Variants in VSIG10L2 observed in about 807,000 individuals in gnomAD.
VSIG10L2 encodes the protein V-set and immunoglobulin domain containing 10 like 2.
Under a neutral mutation model 67.1 loss-of-function variants are expected in VSIG10L2, and 56 were observed. That is an observed-to-expected ratio of 0.83 (90% CI 0.67 to 1.04). The LOEUF is 1.04. Among genes scored for constraint, VSIG10L2 ranks in the 50% least tolerant of loss-of-function variants. The pLI is 0.00. For missense variants in VSIG10L2, 843 were observed against 932.8 expected (o/e 0.90, Z 1.25); for synonymous variants, 360 against 396.6 (o/e 0.91, Z 1.10).
chr11:125,949,202 T>C (rs922454563), intron 3 of VSIG10L2, among the ~76,000 whole-genome samples: 3 of 152,234 alleles, frequency 2.0e-5, no homozygotes, highest in Non-Finnish European at 2.9e-5. Flanking sequence ...CTGGATATAT[T>C]TGGTTAAATA....
At chr11:125,949,339 A>C (rs1421934100) in intron 3 of VSIG10L2, among the ~76,000 whole-genome samples, 1 of 152,138 alleles carries the variant, frequency 6.6e-6, no homozygotes, top group African/African-American at 2.4e-5. Context: ...TGTGTCTGGC[A>C]TCCGCCTATT....
intron 2 of VSIG10L2, 33 bp downstream of exon 2, chr11:125,948,069 C>A (rs924647897): frequency 4.3e-5 from 53 of 1,232,346 alleles, no homozygotes; most frequent in South Asian, 2.9e-4. Flanking sequence ...AGCTGGTCCG[C>A]GGGCTGCTTT....
chr11:125,955,278 T>A lies in VSIG10L2; in HGVS notation c.2206+99T>A, dbSNP rs1945445518. ...ATGCAGCACTCCCGGGGGAGAAGAA[T>A]CTAGGCTCTTCCTTAATTCAGACCC... On this transcript the variant is annotated intron_variant, in intron 9 of 11. Coordinates refer to ENST00000686984, the MANE Select transcript of VSIG10L2 (RefSeq NM_001365077.2). 14 of 1,304,212 alleles carry A rather than the reference T, an allele frequency of 1.1e-5. No homozygotes were observed. The Middle Eastern group carries it at 8.5e-4, about 79-fold the overall frequency. 80.8% of individuals were successfully genotyped at this position (1,304,212 alleles called of 1,614,324 possible).
Position 125,955,113 on chromosome 11 carries a change from G to A in VSIG10L2, c.2140G>A (p.Val714Met). ...GTTGGGTGCAGCAGGCACGGGAATG[G>A]TGGTAGCAACGGTGGCCTCTCTACT... ...AVLGAAGTGMVVATVASLLVF... is the reference protein window; with the variant it reads ...AVLGAAGTGMMVATVASLLVF... The change falls in exon 9 of 12, where the codon GTG becomes ATG. Residue 714 changes from valine (V) to methionine (M), a missense_variant. Val to Met is a conservative substitution (Grantham distance 21, BLOSUM62 1). Around this residue, in one of 2 missense-constraint regions of VSIG10L2, gnomAD observed 397 missense variants for 384.4 expected, o/e 1.03. Transcript: ENST00000686984. 1 of 1,239,784 alleles carries A rather than the reference G, an allele frequency of 8.1e-7. No homozygotes were observed. Among genetic ancestry groups the A allele is most frequent in the Non-Finnish European group, 1.0e-6 (1 of 992,754 alleles). The allele number at this position is 1,239,784 out of a possible 1,614,324, so 76.8% of individuals were successfully genotyped here. A position where few individuals can be genotyped will look rare whatever the true frequency, so the allele number is the denominator to read the frequency against.
At chr11:125,952,181 G>A in intron 6 of VSIG10L2, 108 bp downstream of exon 6, 1 of 1,388,758 alleles carries the variant, frequency 7.2e-7, no homozygotes, top group Non-Finnish European at 9.5e-7. Flanking sequence ...TGGAAAGTGA[G>A]TCAGTGCGGA....
Position 125,955,142 on chromosome 11 carries a change from G to C in VSIG10L2, c.2169G>C (p.Val723=). ...MVVATVASLL[V]FQYAARHPET... Reference sequence around the variant, plus strand: ...TAGCAACGGTGGCCTCTCTACTGGTGTTCCAGTATGCTGCCCGGCACCCAG... The same window carrying C: ...TAGCAACGGTGGCCTCTCTACTGGTCTTCCAGTATGCTGCCCGGCACCCAG... The change falls in exon 9 of 12, where the codon GTG becomes GTC. Residue 723 remains valine, a synonymous_variant. Coordinates refer to ENST00000686984, the MANE Select transcript of VSIG10L2 (RefSeq NM_001365077.2). The C allele has an allele frequency of 1.6e-6, 2 of 1,247,228 alleles. No individual in the cohort carries two copies. Among genetic ancestry groups the C allele is most frequent in the Non-Finnish European group, 2.0e-6 (2 of 997,168 alleles). The allele number at this position is 1,247,228 out of a possible 1,614,324, so 77.3% of individuals were successfully genotyped here.
At chr11:125,948,220 AGCCAGCAG>A in intron 2 of VSIG10L2, 77 bp from the exon 3 acceptor site, 1 of 1,231,852 alleles carries the variant, frequency 8.1e-7, no homozygotes, top group Non-Finnish European at 1.0e-6. Flanking sequence ...GTGAGTCCCC[AGCCAGCAG>A]GGGTGGGGGC....
intron 4 of VSIG10L2, 31 bp from the exon 5 acceptor site, chr11:125,950,879 C>T: frequency 8.1e-7 from 1 of 1,232,552 alleles, no homozygotes; most frequent in African/African-American, 1.5e-5. Context: ...GCAGTGGAGC[C>T]TGCTCCAGCC....
intron 6 of VSIG10L2, among the ~76,000 whole-genome samples, chr11:125,952,552 A>C (rs1380006536): frequency 2.0e-5 from 3 of 152,210 alleles, no homozygotes; most frequent in Non-Finnish European, 4.4e-5. Context: ...TGGTCACTAC[A>C]ATATTGGATA....
intron 4 of VSIG10L2, among the ~76,000 whole-genome samples, 175 bp from the exon 5 acceptor site, chr11:125,950,735 A>C (rs1945356703): frequency 6.6e-6 from 1 of 151,924 alleles, no homozygotes; most frequent in Non-Finnish European, 1.5e-5. Context: ...CTGACCTGAG[A>C]GCTCAGCCTG....
At position 125,946,544 on chromosome 11, in the gene VSIG10L2, C is replaced by CTT. The variant is rs745417197; in HGVS notation, c.82+419_82+420dup. On this transcript the variant is annotated intron_variant, in intron 1 of 11. Transcript: ENST00000686984. The surrounding 1 kb of genome is among the most constrained non-coding windows in gnomAD (Gnocchi z 4.4). ...GGTTTCTGGGTTACATATTTTTATT[C>CTT]TTTTTTTTTTTTTGAGATGGAGTCT... Among the ~76,000 whole-genome samples the CTT allele has an allele frequency of 7.0e-6, 1 of 142,936 alleles. No individual in the cohort carries two copies. Among genetic ancestry groups the CTT allele is most frequent in the Non-Finnish European group, 1.5e-5 (1 of 65,344 alleles). 93.8% of individuals were successfully genotyped at this position (142,936 alleles called of 152,430 possible).
At position 125,951,981 on chromosome 11, in the gene VSIG10L2, T is replaced by C. The variant is rs1945381176; in HGVS notation, c.1403T>C (p.Leu468Pro). 3 of 1,536,068 alleles carry C rather than the reference T, an allele frequency of 2.0e-6. No individual in the cohort carries two copies. Among genetic ancestry groups the C allele is most frequent in the Non-Finnish European group, 2.6e-6 (3 of 1,146,848 alleles). ...GSSSSMAVHLLQAQEDLAGRE... is the reference protein window; with the variant it reads ...GSSSSMAVHLPQAQEDLAGRE... ...AGCTCCTCGATGGCCGTTCACCTCC[T>C]GCAGGCCCAAGAAGATCTGGCTGGC... Residue 468 changes from leucine (L) to proline (P), a missense_variant, in exon 6 of 12, where the codon CTG becomes CCG. Physicochemically the swap from Leu to Pro is moderately conservative, Grantham distance 98. Transcript: ENST00000686984.
chr11:125,950,180 C>A lies in VSIG10L2; in HGVS notation c.876C>A (p.Thr292=), dbSNP rs1591529468. Residue 292 remains threonine (T), a synonymous_variant, in exon 4 of 12, where the codon ACC becomes ACA. Transcript: ENST00000686984. ...ACACGCAAGTCCACACGGGGCCTAC[C>A]TATGTCATCGCCAGAGCTGGCCGTG... The part of the protein sequence containing the change: ...RDHTQVHTGP[T]YVIARAGRVH... 4.1e-6 allele frequency: 5 copies of A among 1,232,400 alleles called. No homozygotes were observed. The East Asian group carries it at 1.6e-4, about 39-fold the overall frequency. The allele number at this position is 1,232,400 out of a possible 1,614,324, so 76.3% of individuals were successfully genotyped here. A position where few individuals can be genotyped will look rare whatever the true frequency, so the allele number is the denominator to read the frequency against.
rs116010481 is a variant in VSIG10L2 at position 125,953,513 on chromosome 11, G to C, written c.1609G>C (p.Gly537Arg). ...GTPPAQLLWL[G>R]PQQQKVDPGT... ...ACCACCTGCCCAGCTCCTCTGGCTG[G>C]GGCCTCAACAACAAAAAGTGGACCC... Residue 537 changes from glycine (G) to arginine (R), a missense_variant, in exon 7 of 12, where the codon GGG becomes CGG. Coordinates refer to ENST00000686984, the MANE Select transcript of VSIG10L2 (RefSeq NM_001365077.2). 0.016 allele frequency: 20,057 copies of C among 1,232,214 alleles called. 240 individuals are homozygous for C. Among genetic ancestry groups the C allele is most frequent in the East Asian group, 0.056 (1,790 of 31,682 alleles). 76.3% of individuals were successfully genotyped at this position (1,232,214 alleles called of 1,614,324 possible).
Position 125,948,328 on chromosome 11 carries a change from C to A in VSIG10L2, c.457C>A (p.Arg153=). Residue 153 remains arginine, a synonymous_variant, in exon 3 of 12, where the codon CGA becomes AGA. Coordinates refer to ENST00000686984, the MANE Select transcript of VSIG10L2 (RefSeq NM_001365077.2). ...VLVPVSKPQV[R]LSNPSPVEGA... ...AGTGCCGGTGTCCAAGCCTCAAGTG[C>A]GACTGAGTAACCCGTCCCCTGTGGA... is the stretch of plus-strand genomic sequence containing the variant. 2 of 1,232,614 alleles carry A rather than the reference C, an allele frequency of 1.6e-6. No individual in the cohort carries two copies. Among genetic ancestry groups the A allele is most frequent in the Non-Finnish European group, 2.0e-6 (2 of 988,348 alleles). 76.4% of individuals were successfully genotyped at this position (1,232,614 alleles called of 1,614,324 possible).
Position 125,952,069 on chromosome 11 carries a change from G to A in VSIG10L2, c.1491G>A (p.Gln497=). 1 of 1,533,558 alleles carries A rather than the reference G, an allele frequency of 6.5e-7. No homozygotes were observed. The highest frequency in any genetic ancestry group is 8.7e-7 in the Non-Finnish European group (1 of 1,145,068). 95.0% of individuals were successfully genotyped at this position (1,533,558 alleles called of 1,614,324 possible). The change falls in exon 6 of 12, where the codon CAG becomes CAA. Residue 497 remains glutamine, a synonymous_variant. Transcript: ENST00000686984. ...CCCCTGACCCCCACTGCCACCTCCA[G>A]CTGGGTGAGTAGGGGCTAGCGAGTT... ...LRTPDPHCHL[Q]LEAPQLDVAE...
At position 125,946,991 on chromosome 11, in the gene VSIG10L2, GTGACT is replaced by G. The variant is rs1350847971; in HGVS notation, c.83-693_83-689del. Among the ~76,000 whole-genome samples, 1 of 152,230 alleles carries G rather than the reference GTGACT, an allele frequency of 6.6e-6. No homozygotes were observed. Among genetic ancestry groups the G allele is most frequent in the East Asian group, 1.9e-4 (1 of 5,188 alleles). ...GCCCTGAGCCGAGAACACCTGTTAA[GTGACT>G]TACTCCACAGGAACTACTTAATGGC... On this transcript the variant is annotated intron_variant, in intron 1 of 11. Coordinates refer to ENST00000686984, the MANE Select transcript of VSIG10L2 (RefSeq NM_001365077.2). The surrounding 1 kb of genome is among the most constrained non-coding windows in gnomAD (Gnocchi z 4.4).
chr11:125,953,365 C>T (rs1245483721), intron 6 of VSIG10L2, 35 bp from the exon 7 acceptor site: 7 of 1,232,038 alleles, frequency 5.7e-6, no homozygotes, highest in Non-Finnish European at 7.1e-6. Context: ...CCCAAGCCCT[C>T]CCACTAGCCG....
intron 8 of VSIG10L2, 36 bp downstream of exon 8, chr11:125,954,419 T>A (rs1366706470): frequency 1.6e-6 from 2 of 1,231,038 alleles, no homozygotes; most frequent in East Asian, 6.3e-5. Context: ...CCACCTTTTC[T>A]CCAAAGCGCT....
Sources: gnomAD v4.1 joint callset for allele counts (sites outside exome capture counted in the v4.1 genomes callset) on GRCh38, gnomAD v4.1.1 for gene constraint, gnomAD v4.1.1 regional missense constraint, Gnocchi (gnomAD v3.1) non-coding constraint, MANE v1.5 for transcripts, NCBI Gene and HGNC (gene_info 2026-07-23, HGNC 2026-07-21) for gene names.